The following GAS7 variants were observed in gnomAD, a reference collection of about 807,000 sequenced individuals.
GAS7 encodes the protein growth arrest specific 7.
A neutral mutation model predicts 71.1 loss-of-function variants in GAS7; 28 were observed. The ratio of observed to expected loss-of-function variants is 0.39; its 90% CI spans 0.29 to 0.54. The LOEUF (loss-of-function observed/expected upper bound fraction) is 0.54. Ranked by LOEUF, GAS7 falls within the 20% of genes least tolerant of loss-of-function variation. GAS7 has a pLI of 0.62. For missense variants in GAS7, 436 were observed against 627.8 expected (o/e 0.69, Z 3.27); for synonymous variants, 258 against 245.8 (o/e 1.05, Z -0.46).
chr17:9,970,099 C>T (rs1000509859), intron 3 of GAS7, among the ~76,000 whole-genome samples: 2 of 152,144 alleles, frequency 1.3e-5, no homozygotes, highest in African/African-American at 4.8e-5. Context: ...GTTACAAATG[C>T]CAGTCACGGG....
chr17:10,137,486 T>C (rs1405253108), intron 1 of GAS7, among the ~76,000 whole-genome samples: 1 of 152,168 alleles, frequency 6.6e-6, no homozygotes, highest in East Asian at 1.9e-4. Context: ...TTTGCCTACT[T>C]TGTAACTGCT....
At chr17:10,098,380 C>G (rs1275680736) in intron 1 of GAS7, among the ~76,000 whole-genome samples, 1 of 152,244 alleles carries the variant, frequency 6.6e-6, no homozygotes, top group African/African-American at 2.4e-5. Flanking sequence ...GTCTTCCACG[C>G]TGTCCTGTAG....
chr17:9,939,707 T>TCTCCTGCCTC (rs1406021633), intron 8 of GAS7, among the ~76,000 whole-genome samples: 13 of 152,124 alleles, frequency 8.5e-5, no homozygotes, highest in African/African-American at 2.9e-4. Flanking sequence ...CCTCCTGGGT[T>TCTCCTGCCTC]CACGCCATTC....
At chr17:10,078,355 G>A (rs1196057888) in intron 1 of GAS7, among the ~76,000 whole-genome samples, 5 of 152,182 alleles carry the variant, frequency 3.3e-5, no homozygotes, top group Non-Finnish European at 7.3e-5. Context: ...GCCTCCCAAA[G>A]TGGTGGGATT....
chr17:9,920,330 G>C (rs888704079), intron 11 of GAS7, among the ~76,000 whole-genome samples: 3 of 152,120 alleles, frequency 2.0e-5, no homozygotes, highest in Non-Finnish European at 4.4e-5. Context: ...ACAGAGAAAG[G>C]GTGAGTGGGC....
At chr17:9,984,162 C>T (rs926929235) in intron 2 of GAS7, among the ~76,000 whole-genome samples, 25 of 152,136 alleles carry the variant, frequency 1.6e-4, no homozygotes, top group African/African-American at 6.0e-4. Flanking sequence ...ACAATAAAAA[C>T]AAAACTGGGT....
intron 7 of GAS7, among the ~76,000 whole-genome samples, chr17:9,942,455 T>C (rs969966645): frequency 1.3e-5 from 2 of 151,958 alleles, no homozygotes; most frequent in East Asian, 3.9e-4. Flanking sequence ...GAGAAGGAAC[T>C]TCTCTTTCTC....
chr17:10,096,693 T>C (rs1271142974), intron 1 of GAS7, among the ~76,000 whole-genome samples: 3 of 152,240 alleles, frequency 2.0e-5, no homozygotes, highest in Non-Finnish European at 4.4e-5. Flanking sequence ...CTTCATCTTA[T>C]GGAAAAGGAG....
At chr17:9,942,841 A>G (rs1418694442) in intron 7 of GAS7, among the ~76,000 whole-genome samples, 2 of 152,232 alleles carry the variant, frequency 1.3e-5, no homozygotes, top group Admixed American at 1.3e-4. Context: ...AATCCTGCCA[A>G]TGCTTCTGCT....
chr17:10,124,668 C>A lies in GAS7; in HGVS notation c.183+73540G>T, dbSNP rs189628162. Among the ~76,000 whole-genome samples, 3 of 152,310 alleles carry A rather than the reference C, an allele frequency of 2.0e-5. No homozygotes were observed. In the East Asian group the frequency reaches 5.8e-4, roughly 29 times the overall value. On this transcript the variant is annotated intron_variant, in intron 1 of 13. Transcript: ENST00000432992. ...CAGTGGCTCACGCCTGTAATCCCAG[C>A]AGTTTGGGGGGGAGCTGAGGCATGT...
At chr17:9,997,148 T>C (rs905575199) in intron 2 of GAS7, among the ~76,000 whole-genome samples, 4 of 146,282 alleles carry the variant, frequency 2.7e-5, no homozygotes, top group African/African-American at 7.6e-5. Context: ...ATTTGAACGA[T>C]GGGAGAACTA....
intron 1 of GAS7, among the ~76,000 whole-genome samples, chr17:10,142,437 T>C (rs901766724): frequency 2.9e-4 from 44 of 152,236 alleles, no homozygotes; most frequent in African/African-American, 1.0e-3. Flanking sequence ...GGCACGATCT[T>C]GGCTCACTGT....
At chr17:10,008,594 G>A (rs1185482375) in intron 2 of GAS7, among the ~76,000 whole-genome samples, 3 of 152,124 alleles carry the variant, frequency 2.0e-5, no homozygotes, top group Admixed American at 1.3e-4. Context: ...GGTGTGTTAT[G>A]CACGTAAGTA....
At chr17:10,111,360 C>T (rs908380489) in intron 1 of GAS7, among the ~76,000 whole-genome samples, 16 of 151,618 alleles carry the variant, frequency 1.1e-4, no homozygotes, top group Admixed American at 5.9e-4. Flanking sequence ...AGTGAAACCC[C>T]GTCTCTATTA....
At chr17:9,972,144 A>C (rs1279248696) in intron 3 of GAS7, among the ~76,000 whole-genome samples, 1 of 152,188 alleles carries the variant, frequency 6.6e-6, no homozygotes, top group African/African-American at 2.4e-5. Flanking sequence ...AGCAACAAGA[A>C]ACAACAAATC....
Position 10,075,760 on chromosome 17 carries a change from A to C in GAS7, c.184-55863T>G, listed in dbSNP as rs371995488. Among the ~76,000 whole-genome samples the C allele has an allele frequency of 2.4e-3, 356 of 150,096 alleles. 6 individuals are homozygous for C. Among genetic ancestry groups the C allele is most frequent in the African/African-American group, 8.5e-3 (344 of 40,698 alleles). On this transcript the variant is annotated intron_variant, in intron 1 of 13. Transcript: ENST00000432992. Reference sequence around the variant, plus strand: ...CAGTGAGTTATGACTGTCCCCCTGCACTCTGGCCTGGGTGACAGAGTGAGA... The same window carrying C: ...CAGTGAGTTATGACTGTCCCCCTGCCCTCTGGCCTGGGTGACAGAGTGAGA...
chr17:10,067,816 G>A (rs1230607293), intron 1 of GAS7, among the ~76,000 whole-genome samples: 1 of 152,196 alleles, frequency 6.6e-6, no homozygotes, highest in Non-Finnish European at 1.5e-5. Context: ...ACCATCTCCT[G>A]TAAGTCTAAA....
At chr17:10,137,016 AG>A (rs2074043993) in intron 1 of GAS7, among the ~76,000 whole-genome samples, 2 of 152,128 alleles carry the variant, frequency 1.3e-5, no homozygotes, top group African/African-American at 4.8e-5. Context: ...CAGGAGGCTG[AG>A]GTGGGAGAAT....
chr17:10,195,625 A>G (rs2074535069), intron 1 of GAS7, among the ~76,000 whole-genome samples: 1 of 152,110 alleles, frequency 6.6e-6, no homozygotes, highest in South Asian at 2.1e-4. Context: ...AAGCTGAGTG[A>G]CAGCACCACA....
Sources: gnomAD v4.1 joint callset for allele counts (sites outside exome capture counted in the v4.1 genomes callset) on GRCh38, gnomAD v4.1.1 for gene constraint, MANE v1.5 for transcripts, NCBI Gene and HGNC (gene_info 2026-07-23, HGNC 2026-07-21) for gene names.